PCSK5: variants seen among roughly 807,000 people sequenced by gnomAD.
PCSK5 encodes proprotein convertase subtilisin/kexin type 5.
A neutral mutation model predicts 233.2 loss-of-function variants in PCSK5; 129 were observed. The ratio of observed to expected loss-of-function variants is 0.55; its 90% CI spans 0.48 to 0.64. The LOEUF is 0.64. PCSK5 is among the 30% of genes least tolerant of loss of function. The probability of loss-of-function intolerance (pLI) is 0.00; values close to 1 mark genes in which losing one functional copy is unlikely to be tolerated. For missense variants in PCSK5, 2,076 were observed against 2,430.1 expected (o/e 0.85, Z 3.06); for synonymous variants, 825 against 879.2 (o/e 0.94, Z 1.09).
intron 20 of PCSK5, among the ~76,000 whole-genome samples, chr9:76,206,494 G>A (rs1339385559): frequency 6.6e-6 from 1 of 152,186 alleles, no homozygotes; most frequent in Non-Finnish European, 1.5e-5. Flanking sequence ...GGCTGCCGGT[G>A]CAACTCTCCT....
intron 5 of PCSK5, among the ~76,000 whole-genome samples, chr9:76,064,208 A>T (rs1830166352): frequency 9.4e-6 from 1 of 105,910 alleles, no homozygotes; most frequent in Non-Finnish European, 1.8e-5. Flanking sequence ...TCCCTCCCGG[A>T]CGGGGCGGCT....
At chr9:76,109,263 G>A (rs920323415) in intron 9 of PCSK5, among the ~76,000 whole-genome samples, 6 of 151,880 alleles carry the variant, frequency 4.0e-5, no homozygotes, top group African/African-American at 1.5e-4. Flanking sequence ...TGTTTCTCTG[G>A]AATATGTTTC....
chr9:75,984,754 C>T (rs901541536), intron 2 of PCSK5, among the ~76,000 whole-genome samples: 2 of 152,142 alleles, frequency 1.3e-5, no homozygotes, highest in Admixed American at 6.5e-5. Flanking sequence ...AACACAGTAC[C>T]TAGCACTTGT....
intron 1 of PCSK5, among the ~76,000 whole-genome samples, chr9:75,928,599 A>ATATATATATGTATATATATG (rs1355590920): frequency 4.1e-4 from 21 of 51,488 alleles, no homozygotes; most frequent in African/African-American, 1.7e-3. Context: ...ATAAATACAT[A>ATATATATATGTATATATATG]TATATATATA....
intron 3 of PCSK5, among the ~76,000 whole-genome samples, chr9:76,021,839 A>C (rs1028234812): frequency 5.9e-5 from 9 of 152,172 alleles, no homozygotes; most frequent in Admixed American, 1.3e-4. Context: ...GTGGCCTACA[A>C]CACCCTGAAT....
At chr9:75,978,120 C>T (rs577561573) in intron 2 of PCSK5, among the ~76,000 whole-genome samples, 2 of 152,208 alleles carry the variant, frequency 1.3e-5, no homozygotes, top group African/African-American at 4.8e-5. Context: ...ATTTTTGGCT[C>T]CTTTTTTTCC....
intron 35 of PCSK5, among the ~76,000 whole-genome samples, chr9:76,350,373 T>G (rs1830089168): frequency 6.6e-6 from 1 of 152,192 alleles, no homozygotes; most frequent in South Asian, 2.1e-4. Context: ...AACAAAATGA[T>G]CTGCTGAGTC....
At chr9:76,012,817 C>T (rs1162754678) in intron 3 of PCSK5, among the ~76,000 whole-genome samples, 1 of 152,168 alleles carries the variant, frequency 6.6e-6, no homozygotes, top group Non-Finnish European at 1.5e-5. Flanking sequence ...TTAAGAAACC[C>T]TACCTCTTCT....
chr9:76,348,514 C>G (rs13285802), intron 35 of PCSK5, among the ~76,000 whole-genome samples: 2 of 151,524 alleles, frequency 1.3e-5, no homozygotes, highest in Non-Finnish European at 2.9e-5. Context: ...CCCAGGAGGT[C>G]GAGGCTGCAG....
intron 7 of PCSK5, among the ~76,000 whole-genome samples, chr9:76,079,906 G>C (rs1830773535): frequency 6.6e-6 from 1 of 152,066 alleles, no homozygotes; most frequent in Non-Finnish European, 1.5e-5. Flanking sequence ...ATATTTTTCT[G>C]TCTCTATTGA....
At chr9:75,901,602 T>C (rs879880783) in intron 1 of PCSK5, among the ~76,000 whole-genome samples, 7 of 148,840 alleles carry the variant, frequency 4.7e-5, no homozygotes, top group Non-Finnish European at 1.0e-4. Flanking sequence ...CAAACCTGCA[T>C]GTTCTGCACA....
At position 76,328,055 on chromosome 9, in the gene PCSK5, C is replaced by A; in HGVS notation, c.4386C>A (p.Thr1462=). Residue 1462 remains threonine, a synonymous_variant, in exon 33 of 38, where the codon ACC becomes ACA. Coordinates refer to ENST00000674117, the MANE Select transcript of PCSK5 (RefSeq NM_001372043.1). ...CCTGCTCATCATCTGGGACCTGCAC[C>A]ACCTGTCAGAAAGGCCTGATCATGA... ...CLTCSSSGTC[T]TCQKGLIMNP... is the part of the protein sequence containing the mutation. 1 of 1,612,864 alleles carries A rather than the reference C, an allele frequency of 6.2e-7. No individual in the cohort carries two copies. Among genetic ancestry groups the A allele is most frequent in the South Asian group, 1.1e-5 (1 of 91,082 alleles).
intron 3 of PCSK5, among the ~76,000 whole-genome samples, chr9:76,018,829 T>C (rs1587505175): frequency 6.6e-6 from 1 of 152,348 alleles, no homozygotes; most frequent in South Asian, 2.1e-4. Flanking sequence ...ATCACTTGAA[T>C]GTACTCATCA....
At chr9:75,917,241 A>G (rs910394920) in intron 1 of PCSK5, among the ~76,000 whole-genome samples, 7 of 152,136 alleles carry the variant, frequency 4.6e-5, no homozygotes, top group African/African-American at 1.7e-4. Context: ...TACATAGGAT[A>G]AGACAGTAAG....
chr9:76,179,613 T>G lies in PCSK5; in HGVS notation c.1918T>G (p.Cys640Gly). The change falls in exon 15 of 38, where the codon TGC becomes GGC. Residue 640 changes from cysteine to glycine, a missense_variant. This residue lies in a region of PCSK5 where 84 missense variants were observed against 108.8 expected (regional missense o/e 0.77). Coordinates refer to ENST00000674117, the MANE Select transcript of PCSK5 (RefSeq NM_001372043.1). ...EDYAGPCDPECSEVGCDGPGP... is the reference protein window; with the variant it reads ...EDYAGPCDPEGSEVGCDGPGP... ...TTGGAAAGGTCCCTGCGACCCTGAG[T>G]GCAGTGAGGTTGGCTGTGACGGGCC... is the stretch of plus-strand genomic sequence containing the variant. 1 of 1,613,556 alleles carries G rather than the reference T, an allele frequency of 6.2e-7. No individual in the cohort carries two copies. The highest frequency in any genetic ancestry group is 8.5e-7 in the Non-Finnish European group (1 of 1,179,500).
At chr9:76,292,172 C>T in intron 24 of PCSK5, 61 bp from the exon 25 acceptor site, 1 of 941,438 alleles carries the variant, frequency 1.1e-6, no homozygotes, top group Non-Finnish European at 1.7e-6. Context: ...GCTTTCAGAC[C>T]CTATTTTTCC....
intron 5 of PCSK5, among the ~76,000 whole-genome samples, chr9:76,034,574 T>A (rs1587528677): frequency 6.6e-6 from 1 of 150,852 alleles, no homozygotes; most frequent in East Asian, 2.0e-4. Flanking sequence ...CTGTTCACCC[T>A]TCCACCATCT....
intron 1 of PCSK5, among the ~76,000 whole-genome samples, chr9:75,897,494 T>TC (rs1825860825): frequency 1.4e-5 from 2 of 143,984 alleles, no homozygotes; most frequent in African/African-American, 5.5e-5. Flanking sequence ...CTTTTCTTTT[T>TC]TTTTTTTTTT....
chr9:76,085,992 G>A (rs1831047727), intron 7 of PCSK5, among the ~76,000 whole-genome samples: 1 of 152,086 alleles, frequency 6.6e-6, no homozygotes, highest in Admixed American at 6.5e-5. Context: ...CTCTATGAAA[G>A]GAATTTTTCA....
Sources: allele counts gnomAD v4.1 joint callset (sites outside exome capture counted in the v4.1 genomes callset), GRCh38; gene constraint gnomAD v4.1.1; regional missense constraint gnomAD v4.1.1; transcripts MANE v1.5; gene names NCBI Gene and HGNC (gene_info 2026-07-23, HGNC 2026-07-21).